Variants in ZC3H8 observed in about 807,000 individuals in gnomAD.
The protein encoded by ZC3H8 is zinc finger CCCH domain-containing protein 8.
A neutral mutation model predicts 42.5 loss-of-function variants in ZC3H8; 27 were observed. The ratio of observed to expected loss-of-function variants is 0.64; its 90% CI spans 0.47 to 0.88. The LOEUF (loss-of-function observed/expected upper bound fraction) is 0.88. Ranked by LOEUF, ZC3H8 falls within the 40% of genes least tolerant of loss-of-function variation. The probability of loss-of-function intolerance (pLI) is 0.00; values close to 1 mark genes in which losing one functional copy is unlikely to be tolerated. For synonymous variants in ZC3H8, 101 were observed against 110.1 expected, an observed-to-expected ratio of 0.92 and a Z score of 0.52; for missense variants, 277 against 336.1, an observed-to-expected ratio of 0.82 and a Z score of 1.37.
rs1685902486 is a variant in ZC3H8, at chr2:112,250,291, A to G, written c.75-19T>C. Reference sequence around the variant, plus strand: ...ATCGATTCTGTAGCAAAAATATCAAATAACACAAAAGAGTTTTTTCAACCT... The same window carrying G: ...ATCGATTCTGTAGCAAAAATATCAAGTAACACAAAAGAGTTTTTTCAACCT... On this transcript the variant is annotated intron_variant, in intron 1 of 8. Transcript: ENST00000409573. The G allele has an allele frequency of 6.5e-7, 1 of 1,533,504 alleles. No individual in the cohort carries two copies. Among genetic ancestry groups the G allele is most frequent in the Non-Finnish European group, 8.8e-7 (1 of 1,136,518 alleles). 95.0% of individuals were successfully genotyped at this position (1,533,504 alleles called of 1,614,324 possible). A position where few individuals can be genotyped will look rare whatever the true frequency, so the allele number is the denominator to read the frequency against.
At chr2:112,244,515 G>A (rs1248502144) in intron 2 of ZC3H8, among the ~76,000 whole-genome samples, 3 of 152,120 alleles carry the variant, frequency 2.0e-5, no homozygotes, top group African/African-American at 7.2e-5. Context: ...GAAAGTTATA[G>A]GCATACCTTA....
At chr2:112,250,162 A>C (rs1170109142) in intron 2 of ZC3H8, 29 bp downstream of exon 2, 1 of 1,498,684 alleles carries the variant, frequency 6.7e-7, no homozygotes, top group Non-Finnish European at 8.9e-7. Flanking sequence ...CTGCGTTTTC[A>C]ACTTAAACAG....
At chr2:112,248,476 T>C (rs1481784489) in intron 2 of ZC3H8, among the ~76,000 whole-genome samples, 2 of 152,228 alleles carry the variant, frequency 1.3e-5, no homozygotes, top group South Asian at 2.1e-4. Context: ...TAACCCATTC[T>C]TCTATAGTGT....
At chr2:112,218,358 T>C (rs1259784295) in intron 8 of ZC3H8, among the ~76,000 whole-genome samples, 9 of 152,188 alleles carry the variant, frequency 5.9e-5, no homozygotes, top group Admixed American at 5.9e-4. Flanking sequence ...ACTCTTCTAG[T>C]GGAAATGCCT....
chr2:112,228,993 G>A (rs964923321), intron 8 of ZC3H8, among the ~76,000 whole-genome samples: 6 of 152,178 alleles, frequency 3.9e-5, no homozygotes, highest in African/African-American at 1.4e-4. Flanking sequence ...CAACTACAGT[G>A]AGATACAGCA....
intron 5 of ZC3H8, 47 bp downstream of exon 5, chr2:112,234,073 A>G (rs1481963435): frequency 9.3e-7 from 1 of 1,071,766 alleles, no homozygotes; most frequent in Non-Finnish European, 1.3e-6. Flanking sequence ...TCAAACAGAA[A>G]GAGCAGTTTT....
Position 112,238,322 on chromosome 2 carries a change from G to C in ZC3H8, c.363C>G (p.Thr121=). The C allele has an allele frequency of 6.2e-7, 1 of 1,613,048 alleles. No individual in the cohort carries two copies. The highest frequency in any genetic ancestry group is 1.1e-5 in the South Asian group (1 of 90,978). ...AAATAGTTTGACTCTTACCCTGTGG[G>C]GTATCTTTTACTCCTTCTTTCTTTG... ...ESTKKEGVKD[T]PQAAKQKNKN... is the part of the protein sequence containing the mutation. The change falls in exon 3 of 9, where the codon ACC becomes ACG. Residue 121 remains threonine, a synonymous_variant. Coordinates refer to ENST00000409573, the MANE Select transcript of ZC3H8 (RefSeq NM_032494.3).
intron 1 of ZC3H8, chr2:112,254,043 ATCT>A (rs1485544546): frequency 9.9e-5 from 89 of 903,126 alleles, no homozygotes; most frequent in Non-Finnish European, 1.2e-4. Flanking sequence ...GGACGGCATC[ATCT>A]TCTCTTTAAG....
At chr2:112,243,710 C>T (rs1421593205) in intron 2 of ZC3H8, among the ~76,000 whole-genome samples, 1 of 152,104 alleles carries the variant, frequency 6.6e-6, no homozygotes, top group Non-Finnish European at 1.5e-5. Flanking sequence ...ACGTACATAA[C>T]ATCCTCAATT....
At chr2:112,250,416 A>G in intron 1 of ZC3H8, 144 bp from the exon 2 acceptor site, 1 of 487,106 alleles carries the variant, frequency 2.1e-6, no homozygotes, top group South Asian at 4.8e-5. Flanking sequence ...AATACTCCAG[A>G]AAATGTACAA....
At position 112,236,711 on chromosome 2, in the gene ZC3H8, T is replaced by A. The variant is rs1274563134; in HGVS notation, c.371-16A>T. The A allele has an allele frequency of 4.4e-6, 7 of 1,584,618 alleles. No homozygotes were observed. The highest frequency in any genetic ancestry group is 6.0e-6 in the Non-Finnish European group (7 of 1,164,678). The stretch of plus-strand genomic sequence containing the variant: ...TGTTTAGCAGCTAAAAACAAAAAAT[T>A]AATTTAAAAAATGACATAAAGTTAC... On this transcript the variant is annotated splice_polypyrimidine_tract_variant and intron_variant, in intron 3 of 8. Coordinates refer to ENST00000409573, the MANE Select transcript of ZC3H8 (RefSeq NM_032494.3).
At chr2:112,222,014 T>C (rs1053143346) in intron 8 of ZC3H8, among the ~76,000 whole-genome samples, 5 of 152,124 alleles carry the variant, frequency 3.3e-5, no homozygotes, top group African/African-American at 1.2e-4. Context: ...ATCTTTGAAG[T>C]TGCTGTCCTT....
rs1367062753 is a variant in ZC3H8 at position 112,211,938 on chromosome 2, T to C, written c.*4546A>G. ...TTAACCCTTCTAAATATATCTACTC[T>C]TCCTAGTTTTCTGCTCCTTATTATG... is the stretch of plus-strand genomic sequence containing the variant. On this transcript the variant is annotated 3_prime_UTR_variant, in exon 9 of 9. Transcript: ENST00000409573. 1 of 152,222 alleles carries C rather than the reference T, an allele frequency of 6.6e-6. No individual in the cohort carries two copies. The highest frequency in any genetic ancestry group is 2.4e-5 in the African/African-American group (1 of 41,448). 9.4% of individuals were successfully genotyped at this position (152,222 alleles called of 1,614,324 possible).
rs1489284329 is a variant in ZC3H8 at position 112,250,203 on chromosome 2, T to C, written c.144A>G (p.Gln48=). The C allele has an allele frequency of 1.3e-6, 2 of 1,567,148 alleles. No homozygotes were observed. The highest frequency in any genetic ancestry group is 2.3e-5 in the East Asian group (1 of 43,622). ...QEEKIKLECE[Q]IPKKFRHSAI... ...AACTTAATCTTACTTTTTTGGGAAT[T>C]TGCTCGCACTCCAGTTTAATTTTCT... Residue 48 remains glutamine, a synonymous_variant, in exon 2 of 9, where the codon CAA becomes CAG. Transcript: ENST00000409573.
rs1431312848 is a variant in ZC3H8, at chr2:112,226,606, G to A, written c.*15+4297C>T. On this transcript the variant is annotated intron_variant, in intron 8 of 8. Coordinates refer to ENST00000409573, the MANE Select transcript of ZC3H8 (RefSeq NM_032494.3). ...CTCCATCTCAAAAAAAAAAAAAAAA[G>A]CTCAGGCCCAGTTGTCTTACTGGTG... Among the ~76,000 whole-genome samples the A allele has an allele frequency of 2.4e-3, 110 of 46,064 alleles. 1 individual carries two copies. The highest frequency in any genetic ancestry group is 3.3e-3 in the African/African-American group (29 of 8,816). 30.2% of individuals were successfully genotyped at this position (46,064 alleles called of 152,430 possible).
chr2:112,220,015 G>A (rs1684516189), intron 8 of ZC3H8, among the ~76,000 whole-genome samples: 3 of 152,200 alleles, frequency 2.0e-5, no homozygotes, highest in East Asian at 1.9e-4. Flanking sequence ...ATTTTTCTCC[G>A]TTCCTTTACT....
rs1685109457 is a variant in ZC3H8 at position 112,231,901 on chromosome 2, C to G, written c.780G>C (p.Gln260His). 6.3e-7 allele frequency: 1 copy of G among 1,587,950 alleles called. No individual in the cohort carries two copies. Among genetic ancestry groups the G allele is most frequent in the Non-Finnish European group, 8.6e-7 (1 of 1,163,598 alleles). The change falls in exon 7 of 9, where the codon CAG (glutamine) becomes CAC (histidine). Residue 260 changes from glutamine (Q) to histidine (H), a missense_variant. Physicochemically the swap from Gln to His is conservative, Grantham distance 24. Transcript: ENST00000409573. ...KFYHTGTKCY[Q>H]GEYCKFSHAP... ...CATGAGAAAACTTGCAGTATTCTCC[C>G]TGATAACATTTTGTTCCTGTATGGT...
chr2:112,254,128 A>G, intron 1 of ZC3H8: 1 of 985,368 alleles, frequency 1.0e-6, no homozygotes, highest in Non-Finnish European at 1.2e-6. Context: ...AGTTAAGGTA[A>G]AATTTGAGAT....
At chr2:112,218,153 T>C (rs757665900) in intron 8 of ZC3H8, among the ~76,000 whole-genome samples, 12 of 152,246 alleles carry the variant, frequency 7.9e-5, no homozygotes, top group Non-Finnish European at 1.8e-4. Context: ...AGGAATACAG[T>C]TGCAGAAGTA....
Sources: allele counts gnomAD v4.1 joint callset (sites outside exome capture counted in the v4.1 genomes callset), GRCh38; gene constraint gnomAD v4.1.1; transcripts MANE v1.5; gene names NCBI Gene and HGNC (gene_info 2026-07-23, HGNC 2026-07-21).